Variants in CASKIN1 observed in about 807,000 individuals in gnomAD.
CASKIN1 encodes the protein caskin-1.
A neutral mutation model predicts 117.5 loss-of-function variants in CASKIN1; 42 were observed. The ratio of observed to expected loss-of-function variants is 0.36; its 90% CI spans 0.28 to 0.46. The LOEUF (loss-of-function observed/expected upper bound fraction) is 0.46. Ranked by LOEUF, CASKIN1 falls within the 20% of genes least tolerant of loss-of-function variation. The pLI, the probability that CASKIN1 is intolerant of heterozygous loss-of-function variation, is 1.00. For missense variants in CASKIN1, 2,083 were observed against 2,077.3 expected, an observed-to-expected ratio of 1.00 and a Z score of -0.05; for synonymous variants, 1,148 against 961.7, an observed-to-expected ratio of 1.19 and a Z score of -3.59.
intron 1 of CASKIN1, among the ~76,000 whole-genome samples, chr16:2,193,362 A>G (rs111587385): frequency 6.6e-6 from 1 of 152,156 alleles, no homozygotes; most frequent in Non-Finnish European, 1.5e-5. Flanking sequence ...TACATTTTGC[A>G]TGGGGACCTG....
chr16:2,179,073 G>T lies in CASKIN1; in HGVS notation c.4028C>A (p.Pro1343Gln), dbSNP rs1164515103. The T allele has an allele frequency of 5.1e-6, 5 of 987,000 alleles. No homozygotes were observed. The highest frequency in any genetic ancestry group is 3.6e-6 in the Non-Finnish European group (3 of 833,136). 61.1% of individuals were successfully genotyped at this position (987,000 alleles called of 1,614,324 possible). A position where few individuals can be genotyped will look rare whatever the true frequency, so the allele number is the denominator to read the frequency against. ...GGCGGCGGCGGCGGCGGCGGCTCGC[G>T]GGGGCTTGGCGGGCACGTGCAGCGC... ...APALHVPAKP[P>Q]RAAAAAAAAA... The change falls in exon 19 of 20, where the codon CCG becomes CAG. Residue 1343 changes from proline (P) to glutamine (Q), a missense_variant. By Grantham distance (76) the Pro-to-Gln change is moderately conservative (BLOSUM62 -1). Transcript: ENST00000343516. This position sits in a 1 kb window ranked among gnomAD's most constrained non-coding sequence, Gnocchi z 5.8.
rs757693449 is a variant in CASKIN1, at chr16:2,184,972, T to C, written c.1303A>G (p.Lys435Glu). The change falls in exon 13 of 20, where the codon AAG (lysine) becomes GAG (glutamate). Residue 435 changes from lysine (K) to glutamate (E), a missense_variant. By Grantham distance (56) the Lys-to-Glu change is moderately conservative. This residue lies in a region of CASKIN1 where 1,818 missense variants were observed against 1,688.9 expected (regional missense o/e 1.08). Transcript: ENST00000343516. The stretch of plus-strand genomic sequence containing the variant: ...TTACCTGCAGAGCCTTCCGGAGGCT[T>C]GGCGGGGCTGTCCCCCGGGCCGGAC... ...SESGPGDSPAKPPEGSAGVAR... is the reference protein window; with the variant it reads ...SESGPGDSPAEPPEGSAGVAR... 1 of 1,605,882 alleles carries C rather than the reference T, an allele frequency of 6.2e-7. No individual in the cohort carries two copies. The highest frequency in any genetic ancestry group is 8.5e-7 in the Non-Finnish European group (1 of 1,174,102).
Position 2,179,574 on chromosome 16 carries a change from C to T in CASKIN1, c.3775+19G>A. On this transcript the variant is annotated intron_variant, in intron 18 of 19. Transcript: ENST00000343516. This position sits in a 1 kb window ranked among gnomAD's most constrained non-coding sequence, Gnocchi z 5.8. The stretch of plus-strand genomic sequence containing the variant: ...GAGCAGGGTCCTGTTGCCCCTTCAC[C>T]CCACCCTGGCTGGCCTACCTGGGCT... 1 of 1,432,684 alleles carries T rather than the reference C, an allele frequency of 7.0e-7. No individual in the cohort carries two copies. Among genetic ancestry groups the T allele is most frequent in the Non-Finnish European group, 9.1e-7 (1 of 1,098,916 alleles). 88.7% of individuals were successfully genotyped at this position (1,432,684 alleles called of 1,614,324 possible).
At position 2,179,252 on chromosome 16, in the gene CASKIN1, G is replaced by A. The variant is rs186133787; in HGVS notation, c.3849C>T (p.Pro1283=). 1,997 of 1,206,104 alleles carry A rather than the reference G, an allele frequency of 1.7e-3. 25 individuals carry two copies. In the African/African-American group the frequency reaches 0.027, roughly 17 times the overall value. The allele number at this position is 1,206,104 out of a possible 1,614,324, so 74.7% of individuals were successfully genotyped here. ...AAGGCAGCCCCGCGACCGCCTTGAC[G>A]GGCTTGGGCGCTGTGGGCGGCGGCG... is the stretch of plus-strand genomic sequence containing the variant. ...KPPPPPTAPK[P]VKAVAGLPSG... The change falls in exon 19 of 20, where the codon CCC becomes CCT. Residue 1283 remains proline (P), a synonymous_variant. Coordinates refer to ENST00000343516, the MANE Select transcript of CASKIN1 (RefSeq NM_020764.4). The surrounding 1 kb of genome is among the most constrained non-coding windows in gnomAD (Gnocchi z 5.8).
intron 10 of CASKIN1, among the ~76,000 whole-genome samples, 198 bp downstream of exon 10, chr16:2,186,509 T>C (rs911631416): frequency 6.6e-6 from 1 of 152,150 alleles, no homozygotes; most frequent in Admixed American, 6.5e-5. Flanking sequence ...ACACAGTGCT[T>C]GGTAGAACGC....
chr16:2,190,901 G>A (rs183225170), intron 1 of CASKIN1, among the ~76,000 whole-genome samples: 8 of 152,360 alleles, frequency 5.3e-5, no homozygotes, highest in Non-Finnish European at 1.0e-4. Context: ...ATGAGCAGAA[G>A]TGGGAGGCAG....
chr16:2,181,220 C>A lies in CASKIN1; in HGVS notation c.2148G>T (p.Gly716=). Residue 716 remains glycine, a synonymous_variant, in exon 18 of 20, where the codon GGG becomes GGT. Transcript: ENST00000343516. The part of the protein sequence containing the change: ...SQELLGDGPP[G]PSSPMSRSQE... ...GGCTTCGAGACATGGGGCTGCTGGG[C>A]CCAGGGGGCCCATCTCCCAGCAGCT... 1 of 1,589,918 alleles carries A rather than the reference C, an allele frequency of 6.3e-7. No individual in the cohort carries two copies. Among genetic ancestry groups the A allele is most frequent in the South Asian group, 1.1e-5 (1 of 89,976 alleles).
rs2093163913 is a variant in CASKIN1, at chr16:2,180,528, G to A, written c.2840C>T (p.Pro947Leu). Residue 947 changes from proline to leucine, a missense_variant, in exon 18 of 20, where the codon CCG becomes CTG. Coordinates refer to ENST00000343516, the MANE Select transcript of CASKIN1 (RefSeq NM_020764.4). ...AVRPRKKGPP[P>L]PPPKRSSSAL... ...CGAGCTGGAGCGCTTGGGTGGGGGC[G>A]GCGGGGGCCCCTTCTTTCGGGGCCG... The A allele has an allele frequency of 6.5e-7, 1 of 1,546,406 alleles. No homozygotes were observed. Among genetic ancestry groups the A allele is most frequent in the Non-Finnish European group, 8.7e-7 (1 of 1,152,760 alleles).
intron 1 of CASKIN1, among the ~76,000 whole-genome samples, chr16:2,192,196 G>A (rs572716491): frequency 8.5e-4 from 130 of 152,266 alleles, no homozygotes; most frequent in African/African-American, 3.1e-3. Context: ...CTACTTGGGA[G>A]GCTGAGGCGG....
intron 14 of CASKIN1, 96 bp downstream of exon 14, chr16:2,184,681 C>T (rs2093178403): frequency 3.5e-6 from 4 of 1,130,410 alleles, no homozygotes; most frequent in Non-Finnish European, 4.7e-6. Flanking sequence ...GACCCCGCCG[C>T]TGCCAGGCCA....
chr16:2,182,596 C>T lies in CASKIN1; in HGVS notation c.1630-667G>A, dbSNP rs113504943. 2.0e-5 allele frequency among the ~76,000 whole-genome samples: 3 copies of T among 152,326 alleles called. No individual in the cohort carries two copies. Among genetic ancestry groups the T allele is most frequent in the Admixed American group, 6.5e-5 (1 of 15,308 alleles). ...CGGACCTGACCCCTAGGAGGATCCC[C>T]GAGCCACCAATTGAGTGAGGCAAGG... On this transcript the variant is annotated intron_variant, in intron 16 of 19. Coordinates refer to ENST00000343516, the MANE Select transcript of CASKIN1 (RefSeq NM_020764.4). The surrounding 1 kb of genome is among the most constrained non-coding windows in gnomAD (Gnocchi z 4.1).
At chr16:2,190,500 C>A (rs543737846) in intron 1 of CASKIN1, 142 bp from the exon 2 acceptor site, 1 of 736,370 alleles carries the variant, frequency 1.4e-6, no homozygotes. Context: ...CTCGTCCACT[C>A]GTGCACTCAC....
chr16:2,178,158 G>T lies in CASKIN1; in HGVS notation c.*392C>A, dbSNP rs1024233517. ...TCTGGGGGTGCGGTGGGGCAGGGGG[G>T]CCCTGACCTTGGTCCCCTGTCCCTT... On this transcript the variant is annotated 3_prime_UTR_variant, in exon 20 of 20. Coordinates refer to ENST00000343516, the MANE Select transcript of CASKIN1 (RefSeq NM_020764.4). 8.4e-5 allele frequency: 41 copies of T among 487,656 alleles called. No homozygotes were observed. Among genetic ancestry groups the T allele is most frequent in the Admixed American group, 3.5e-4 (13 of 37,326 alleles). The allele number at this position is 487,656 out of a possible 1,614,324, so 30.2% of individuals were successfully genotyped here.
At position 2,189,062 on chromosome 16, in the gene CASKIN1, G is replaced by T. The variant is rs749671289; in HGVS notation, c.582C>A (p.His194Gln). 1 of 1,613,626 alleles carries T rather than the reference G, an allele frequency of 6.2e-7. No homozygotes were observed. Among genetic ancestry groups the T allele is most frequent in the African/African-American group, 1.3e-5 (1 of 75,036 alleles). The change falls in exon 6 of 20, where the codon CAC becomes CAA. Residue 194 changes from histidine to glutamine, a missense_variant. Physicochemically the swap from His to Gln is conservative, Grantham distance 24. Coordinates refer to ENST00000343516, the MANE Select transcript of CASKIN1 (RefSeq NM_020764.4). ...CGATGTGGCCGTTTTTAGCTGCGAG[G>T]TGCAAAGGGCTGGTGCCGTTGGGGT... ...ATDPNGTSPLHLAAKNGHIDI... is the reference protein window; with the variant it reads ...ATDPNGTSPLQLAAKNGHIDI...
rs532277251 is a variant in CASKIN1, at chr16:2,195,709, C to A, written c.94+630G>T. Among the ~76,000 whole-genome samples the A allele has an allele frequency of 2.6e-5, 4 of 152,338 alleles. No homozygotes were observed. The South Asian group carries it at 8.3e-4, about 32-fold the overall frequency. ...GCTGGAGCCTGCCTGAGCAGGGCCC[C>A]AAGCCCTTGCGCCCAGGCCGGCCCT... is the stretch of plus-strand genomic sequence containing the variant. On this transcript the variant is annotated intron_variant, in intron 1 of 19. Transcript: ENST00000343516.
At chr16:2,194,516 G>A (rs927258908) in intron 1 of CASKIN1, among the ~76,000 whole-genome samples, 1 of 152,118 alleles carries the variant, frequency 6.6e-6, no homozygotes, top group East Asian at 1.9e-4. Flanking sequence ...CTGGGCTCAC[G>A]GGGCCCTGGA....
In CASKIN1 at chr16:2,179,309, G is replaced by T; in HGVS notation, c.3792C>A (p.His1264Gln). The T allele has an allele frequency of 8.1e-7, 1 of 1,232,286 alleles. No homozygotes were observed. The highest frequency in any genetic ancestry group is 3.2e-5 in the East Asian group (1 of 30,864). 76.3% of individuals were successfully genotyped at this position (1,232,286 alleles called of 1,614,324 possible). The change falls in exon 19 of 20, where the codon CAC becomes CAA. Residue 1264 changes from histidine to glutamine, a missense_variant. Physicochemically the swap from His to Gln is conservative, Grantham distance 24 (BLOSUM62 0). Coordinates refer to ENST00000343516, the MANE Select transcript of CASKIN1 (RefSeq NM_020764.4). The surrounding 1 kb of genome is among the most constrained non-coding windows in gnomAD (Gnocchi z 5.8). The part of the protein sequence containing the change: ...GPGSPEVKRA[H>Q]GTPPPVSPKP... The stretch of plus-strand genomic sequence containing the variant: ...TGGGAGACACGGGCGGTGGCGTGCC[G>T]TGGGCGCGCTTCACCTCTGCGGGGA...
chr16:2,182,324 G>GC lies in CASKIN1; in HGVS notation c.1630-396dup, dbSNP rs1248268940. On this transcript the variant is annotated intron_variant, in intron 16 of 19. Transcript: ENST00000343516. The surrounding 1 kb of genome is among the most constrained non-coding windows in gnomAD (Gnocchi z 4.1). ...ACATGATTTGCACGCTGCGCTCCCA[G>GC]CCGTGCACAGGCACCAGCACCCCAT... 6.6e-6 allele frequency among the ~76,000 whole-genome samples: 1 copy of GC among 151,988 alleles called. No homozygotes were observed. The highest frequency in any genetic ancestry group is 2.4e-5 in the African/African-American group (1 of 41,338).
rs777541526 is a variant in CASKIN1, at chr16:2,187,064, C to T, written c.844G>A (p.Ala282Thr). 1.1e-5 allele frequency: 18 copies of T among 1,613,352 alleles called. No individual in the cohort carries two copies. Among genetic ancestry groups the T allele is most frequent in the Middle Eastern group, 1.6e-4 (1 of 6,082 alleles). The change falls in exon 9 of 20, where the codon GCG becomes ACG. Residue 282 changes from alanine (A) to threonine (T), a missense_variant. Physicochemically the swap from Ala to Thr is moderately conservative, Grantham distance 58 (BLOSUM62 0). Coordinates refer to ENST00000343516, the MANE Select transcript of CASKIN1 (RefSeq NM_020764.4). Reference sequence around the variant, plus strand: ...TTGGTCGCCCGGACCTGCAGGGCCGCTGAGGCCTCTGGGGATACAGGAGGG... The same window carrying T: ...TTGGTCGCCCGGACCTGCAGGGCCGTTGAGGCCTCTGGGGATACAGGAGGG... ...EIKQLLREAS[A>T]ALQVRATKDY...
Sources: allele counts gnomAD v4.1 joint callset (sites outside exome capture counted in the v4.1 genomes callset), GRCh38; gene constraint gnomAD v4.1.1; regional missense constraint gnomAD v4.1.1; non-coding constraint Gnocchi (gnomAD v3.1); transcripts MANE v1.5; gene names NCBI Gene and HGNC (gene_info 2026-07-23, HGNC 2026-07-21).